The following ADGRL3 variants were observed in gnomAD, a reference collection of about 807,000 sequenced individuals.
ADGRL3 encodes the protein adhesion G protein-coupled receptor L3, also known as calcium-independent alpha-latrotoxin receptor 3.
A neutral mutation model predicts 153.5 loss-of-function variants in ADGRL3; 62 were observed. The ratio of observed to expected loss-of-function variants is 0.40; its 90% CI spans 0.33 to 0.50. The LOEUF (loss-of-function observed/expected upper bound fraction) is 0.50. Ranked by LOEUF, ADGRL3 falls within the 20% of genes least tolerant of loss-of-function variation. ADGRL3 has a pLI of 0.47. For missense variants in ADGRL3, 1,641 were observed against 1,859.4 expected, an observed-to-expected ratio of 0.88 and a Z score of 2.16; for synonymous variants, 710 against 672.5, an observed-to-expected ratio of 1.06 and a Z score of -0.86.
intron 8 of ADGRL3, among the ~76,000 whole-genome samples, chr4:61,771,677 C>A (rs1475137603): frequency 6.6e-6 from 1 of 152,190 alleles, no homozygotes; most frequent in Non-Finnish European, 1.5e-5. Flanking sequence ...GCCTCAGCCT[C>A]CCAAAGAGCA....
chr4:61,730,426 A>G (rs1350347272), intron 6 of ADGRL3, among the ~76,000 whole-genome samples, 196 bp from the exon 7 acceptor site: 5 of 151,846 alleles, frequency 3.3e-5, no homozygotes, highest in Non-Finnish European at 7.4e-5. Flanking sequence ...TAAAGCATAT[A>G]ATATGATTAT....
At chr4:61,536,569 G>T (rs1055209501) in intron 4 of ADGRL3, among the ~76,000 whole-genome samples, 5 of 151,960 alleles carry the variant, frequency 3.3e-5, no homozygotes, top group African/African-American at 7.2e-5. Flanking sequence ...CTGGTGTTGG[G>T]TGCATATATA....
At chr4:61,523,587 G>C (rs1158500284) in intron 4 of ADGRL3, among the ~76,000 whole-genome samples, 3 of 151,984 alleles carry the variant, frequency 2.0e-5, no homozygotes, top group Non-Finnish European at 4.4e-5. Flanking sequence ...ATTTTATGTG[G>C]GAAGAAAGGT....
At chr4:61,672,001 A>T (rs2095024133) in intron 5 of ADGRL3, among the ~76,000 whole-genome samples, 1 of 152,148 alleles carries the variant, frequency 6.6e-6, no homozygotes, top group African/African-American at 2.4e-5. Flanking sequence ...CCCATTCTGT[A>T]GCTTGTGTCC....
chr4:61,689,944 G>A (rs555271626), intron 6 of ADGRL3, among the ~76,000 whole-genome samples: 128 of 152,162 alleles, frequency 8.4e-4, no homozygotes, highest in Middle Eastern at 3.4e-3. Context: ...TTTTTATTAG[G>A]GAAGGTGGGT....
At chr4:61,670,295 AAT>A (rs967921922) in intron 5 of ADGRL3, among the ~76,000 whole-genome samples, 3 of 151,384 alleles carry the variant, frequency 2.0e-5, no homozygotes, top group East Asian at 1.9e-4. Context: ...TTCTCTCAAA[AAT>A]ATATATATAT....
chr4:61,716,065 T>C (rs1459400940), intron 6 of ADGRL3, among the ~76,000 whole-genome samples: 1 of 152,072 alleles, frequency 6.6e-6, no homozygotes, highest in Non-Finnish European at 1.5e-5. Context: ...TAAATTTGCC[T>C]GTATTTTATT....
intron 13 of ADGRL3, among the ~76,000 whole-genome samples, chr4:61,919,108 G>C (rs1232522812): frequency 1.3e-5 from 2 of 152,158 alleles, no homozygotes; most frequent in Non-Finnish European, 2.9e-5. Context: ...ATACTATTCT[G>C]TGTGGCCTGT....
At chr4:61,210,138 C>T (rs1375497681) in intron 1 of ADGRL3, among the ~76,000 whole-genome samples, 1 of 152,052 alleles carries the variant, frequency 6.6e-6, no homozygotes, top group Non-Finnish European at 1.5e-5. Flanking sequence ...CCATAATTAT[C>T]CAGCATGTAT....
intron 6 of ADGRL3, among the ~76,000 whole-genome samples, chr4:61,693,159 A>G (rs889607249): frequency 5.3e-5 from 8 of 151,882 alleles, no homozygotes; most frequent in Non-Finnish European, 7.4e-5. Context: ...CTTTGTGAAA[A>G]GAAAAGTAAT....
At chr4:61,900,216 T>C (rs2098656578) in intron 11 of ADGRL3, among the ~76,000 whole-genome samples, 1 of 152,176 alleles carries the variant, frequency 6.6e-6, no homozygotes, top group Non-Finnish European at 1.5e-5. Flanking sequence ...TAGGTAGCAA[T>C]TATACTCAAC....
chr4:61,529,147 T>C (rs2098596508), intron 4 of ADGRL3, among the ~76,000 whole-genome samples: 1 of 152,154 alleles, frequency 6.6e-6, no homozygotes, highest in South Asian at 2.1e-4. Flanking sequence ...TCTTACTTGT[T>C]CCATTCTTGT....
At chr4:61,307,465 G>A (rs898441839) in intron 1 of ADGRL3, among the ~76,000 whole-genome samples, 4 of 151,758 alleles carry the variant, frequency 2.6e-5, no homozygotes, top group African/African-American at 9.7e-5. Flanking sequence ...TTGAAACCAG[G>A]GGCCTTTAAC....
At chr4:61,305,856 A>G (rs1038815298) in intron 1 of ADGRL3, among the ~76,000 whole-genome samples, 2 of 152,080 alleles carry the variant, frequency 1.3e-5, no homozygotes, top group Non-Finnish European at 2.9e-5. Flanking sequence ...AAGTGGAGGA[A>G]TATTCATGTC....
intron 8 of ADGRL3, among the ~76,000 whole-genome samples, chr4:61,799,083 G>GGATA (rs150251468): frequency 0.017 from 2,220 of 133,742 alleles, 52 homozygotes; most frequent in African/African-American, 0.051. Flanking sequence ...ATAGGTAGAT[G>GGATA]GATAGATAGA....
At chr4:61,232,719 C>T (rs1462023384) in intron 1 of ADGRL3, among the ~76,000 whole-genome samples, 1 of 151,986 alleles carries the variant, frequency 6.6e-6, no homozygotes, top group Non-Finnish European at 1.5e-5. Flanking sequence ...TAAGACATGT[C>T]AGGTAAGACA....
intron 21 of ADGRL3, among the ~76,000 whole-genome samples, chr4:62,010,582 G>A (rs1162014197): frequency 6.6e-6 from 1 of 151,960 alleles, no homozygotes; most frequent in Non-Finnish European, 1.5e-5. Flanking sequence ...TCCCTGAAAG[G>A]ATTATCCTTC....
intron 4 of ADGRL3, among the ~76,000 whole-genome samples, chr4:61,564,150 T>A (rs1037553542): frequency 6.6e-6 from 1 of 152,166 alleles, no homozygotes; most frequent in African/African-American, 2.4e-5. Context: ...GGCTTTGGCT[T>A]AAGGGAATAT....
At chr4:61,863,307 G>A (rs981410225) in intron 9 of ADGRL3, among the ~76,000 whole-genome samples, 4 of 130,186 alleles carry the variant, frequency 3.1e-5, no homozygotes, top group Non-Finnish European at 4.6e-5. Flanking sequence ...GCGGGATCTC[G>A]GCTCACTGCA....
Sources: allele counts gnomAD v4.1 joint callset (sites outside exome capture counted in the v4.1 genomes callset), GRCh38; gene constraint gnomAD v4.1.1; transcripts MANE v1.5; gene names NCBI Gene and HGNC (gene_info 2026-07-23, HGNC 2026-07-21).